The following CBR3 variants were observed in gnomAD, a reference collection of about 807,000 sequenced individuals.
CBR3 encodes carbonyl reductase 3.
CBR3 carries 14 observed loss-of-function variants against 11.6 expected under a neutral mutation model. The ratio of observed to expected loss-of-function variants is 1.20; its 90% CI spans 0.79 to 1.88. The LOEUF is 1.88. Ranked by LOEUF, CBR3 falls within the 40% of genes most tolerant of loss-of-function variation. The probability of loss-of-function intolerance (pLI) is 0.00; values close to 1 mark genes in which losing one functional copy is unlikely to be tolerated. For synonymous variants in CBR3, 125 were observed against 145.6 expected (o/e 0.86, Z 1.02); for missense variants, 308 against 357.3 (o/e 0.86, Z 1.11).
intron 2 of CBR3, among the ~76,000 whole-genome samples, 195 bp downstream of exon 2, chr21:36,138,127 A>T (rs1475173345): frequency 6.9e-6 from 1 of 145,766 alleles, no homozygotes; most frequent in Admixed American, 6.9e-5. Context: ...AGTTTAGTTT[A>T]GTTTAGTTTT....
At chr21:36,138,787 C>T (rs1188272183) in intron 2 of CBR3, 9 of 129,514 alleles carry the variant, frequency 6.9e-5, no homozygotes, top group Non-Finnish European at 1.4e-4. Flanking sequence ...GCTCTGTCAT[C>T]CAGGCTAGAG....
intron 2 of CBR3, among the ~76,000 whole-genome samples, chr21:36,143,812 G>A (rs1031701161): frequency 6.6e-6 from 1 of 151,082 alleles, no homozygotes; most frequent in Admixed American, 6.6e-5. Context: ...TCTGGGAAGT[G>A]GAGGCTACAG....
At chr21:36,137,960 T>G in intron 2 of CBR3, 28 bp downstream of exon 2, 1 of 1,249,022 alleles carries the variant, frequency 8.0e-7, no homozygotes, top group Non-Finnish European at 1.2e-6. Context: ...ACAGTCGGGT[T>G]GCATCCCTCA....
intron 1 of CBR3, chr21:36,137,139 G>A (rs2065666164): frequency 6.6e-6 from 1 of 151,840 alleles, no homozygotes; most frequent in Non-Finnish European, 1.5e-5. Context: ...TTCTCAAGGT[G>A]TGGCTGGAGA....
intron 2 of CBR3, among the ~76,000 whole-genome samples, 173 bp from the exon 3 acceptor site, chr21:36,145,903 G>A (rs1045817766): frequency 2.0e-5 from 3 of 150,388 alleles, no homozygotes; most frequent in African/African-American, 7.3e-5. Flanking sequence ...GGAGTTTGCA[G>A]TGGGCCGAGA....
chr21:36,135,816 C>T (rs1257870462), intron 1 of CBR3, among the ~76,000 whole-genome samples: 2 of 152,228 alleles, frequency 1.3e-5, no homozygotes, highest in East Asian at 3.9e-4. Flanking sequence ...ATCAGCTTTC[C>T]TTCCAACGCG....
chr21:36,138,727 TTC>T (rs1312013442), intron 2 of CBR3: 2 of 142,772 alleles, frequency 1.4e-5, no homozygotes, highest in South Asian at 2.1e-4. Flanking sequence ...AAATTTTCTT[TTC>T]TTTTTTTTTC....
chr21:36,141,512 T>C (rs45467695), intron 2 of CBR3: 151 of 152,326 alleles, frequency 9.9e-4, no homozygotes, highest in African/African-American at 3.6e-3. Flanking sequence ...CGCTTCCTCA[T>C]CCATCAGTGA....
chr21:36,138,375 C>T (rs537018248), intron 2 of CBR3: 71 of 155,626 alleles, frequency 4.6e-4, no homozygotes, highest in Non-Finnish European at 8.0e-4. Flanking sequence ...TCCTGAACTC[C>T]TGACCTTCAG....
Position 36,146,155 on chromosome 21 carries a change from C to T in CBR3, c.477C>T (p.His159=). 1 of 1,613,970 alleles carries T rather than the reference C, an allele frequency of 6.2e-7. No homozygotes were observed. Among genetic ancestry groups the T allele is most frequent in the Non-Finnish European group, 8.5e-7 (1 of 1,179,956 alleles). Residue 159 remains histidine, a synonymous_variant, in exon 3 of 3, where the codon CAC becomes CAT. Transcript: ENST00000290354. ...NCSEDLQERF[H]SETLTEGDLV... Reference sequence around the variant, plus strand: ...GTGAAGATCTGCAGGAAAGGTTCCACAGTGAGACACTCACAGAAGGAGACC... The same window carrying T: ...GTGAAGATCTGCAGGAAAGGTTCCATAGTGAGACACTCACAGAAGGAGACC...
At chr21:36,141,162 T>A (rs980075931) in intron 2 of CBR3, among the ~76,000 whole-genome samples, 3 of 150,746 alleles carry the variant, frequency 2.0e-5, no homozygotes, top group Non-Finnish European at 4.4e-5. Flanking sequence ...CTCGAGAGAC[T>A]GAGGTGGGAG....
At chr21:36,136,120 G>A (rs1601348900) in intron 1 of CBR3, among the ~76,000 whole-genome samples, 1 of 152,116 alleles carries the variant, frequency 6.6e-6, no homozygotes, top group East Asian at 1.9e-4. Flanking sequence ...CTTAAGGAGA[G>A]GGGCGGGGAT....
At chr21:36,140,479 T>C (rs913872943) in intron 2 of CBR3, among the ~76,000 whole-genome samples, 1 of 152,196 alleles carries the variant, frequency 6.6e-6, no homozygotes, top group Non-Finnish European at 1.5e-5. Flanking sequence ...TTTGTGGCTA[T>C]ATAGGGACGC....
At chr21:36,146,051 T>C in intron 2 of CBR3, 25 bp from the exon 3 acceptor site, 1 of 1,526,748 alleles carries the variant, frequency 6.5e-7, no homozygotes, top group Non-Finnish European at 9.1e-7. Flanking sequence ...TGATATGCTT[T>C]CATATATTTA....
In CBR3 at chr21:36,137,818, T is replaced by C. The variant is rs752719115; in HGVS notation, c.290-7T>C. 3 of 1,543,106 alleles carry C rather than the reference T, an allele frequency of 1.9e-6. No homozygotes were observed. The highest frequency in any genetic ancestry group is 2.7e-6 in the Non-Finnish European group (3 of 1,116,728). On this transcript the variant is annotated splice_polypyrimidine_tract_variant and splice_region_variant and intron_variant, in intron 1 of 2. Transcript: ENST00000290354. ...ACTTTCTTTTTGTTTCTTTCTCTTT[T>C]TGAAAGGTGATGATCCAATGCCCTT...
chr21:36,137,664 G>A (rs1031980755), intron 1 of CBR3, among the ~76,000 whole-genome samples, 161 bp from the exon 2 acceptor site: 1 of 152,078 alleles, frequency 6.6e-6, no homozygotes, highest in South Asian at 2.1e-4. Flanking sequence ...CAAGTGATTC[G>A]GATGCAGACT....
At chr21:36,140,717 A>C (rs73902171) in intron 2 of CBR3, among the ~76,000 whole-genome samples, 3 of 152,220 alleles carry the variant, frequency 2.0e-5, no homozygotes, top group African/African-American at 7.2e-5. Context: ...TAGGTTAAGA[A>C]GTTTTTGTGG....
rs71326645 is a variant in CBR3, at chr21:36,142,431, C to CAAAAAAAAAAA, written c.398-3638_398-3628dup. 3.0e-4 allele frequency among the ~76,000 whole-genome samples: 12 copies of CAAAAAAAAAAA among 40,394 alleles called. 2 individuals carry two copies. Among genetic ancestry groups the CAAAAAAAAAAA allele is most frequent in the East Asian group, 9.0e-4 (1 of 1,112 alleles). The allele number at this position is 40,394 out of a possible 152,430, so 26.5% of individuals were successfully genotyped here. A position where few individuals can be genotyped will look rare whatever the true frequency, so the allele number is the denominator to read the frequency against. On this transcript the variant is annotated intron_variant, in intron 2 of 2. Transcript: ENST00000290354. The stretch of plus-strand genomic sequence containing the variant: ...TAGGTGACAGAGCGAGACTCCATCT[C>CAAAAAAAAAAA]AAAAAAAAAAAAAAAAACGCAATCC...
chr21:36,137,681 T>G, intron 1 of CBR3, 144 bp from the exon 2 acceptor site: 2 of 607,564 alleles, frequency 3.3e-6, no homozygotes, highest in Non-Finnish European at 2.9e-6. Flanking sequence ...GACTAAAGTT[T>G]GAGAATCACC....
Sources: allele counts gnomAD v4.1 joint callset (sites outside exome capture counted in the v4.1 genomes callset), GRCh38; gene constraint gnomAD v4.1.1; transcripts MANE v1.5; gene names NCBI Gene and HGNC (gene_info 2026-07-23, HGNC 2026-07-21).